The following MRRF variants were observed in gnomAD, a reference collection of about 807,000 sequenced individuals.
MRRF encodes the protein ribosome-recycling factor, mitochondrial.
Under a neutral mutation model 25.1 loss-of-function variants are expected in MRRF, and 18 were observed. The ratio of observed to expected loss-of-function variants is 0.72; its 90% CI spans 0.50 to 1.06. The LOEUF (loss-of-function observed/expected upper bound fraction) is 1.06, where lower values mean the gene tolerates loss of function less well. MRRF is among the 50% of genes least tolerant of loss of function. The probability of loss-of-function intolerance (pLI) is 0.00; values close to 1 mark genes in which losing one functional copy is unlikely to be tolerated. For missense variants in MRRF, 323 were observed against 319.3 expected, an observed-to-expected ratio of 1.01 and a Z score of -0.09; for synonymous variants, 113 against 112.1, an observed-to-expected ratio of 1.01 and a Z score of -0.05.
At chr9:122,283,482 A>G (rs1833205126) in intron 3 of MRRF, among the ~76,000 whole-genome samples, 1 of 152,194 alleles carries the variant, frequency 6.6e-6, no homozygotes, top group Non-Finnish European at 1.5e-5. Flanking sequence ...ACACAATCAG[A>G]AAGTGGCAGA....
rs1053976304 is a variant in MRRF at position 122,328,927 on chromosome 9, G to A, written c.*6310G>A. ...TGGACTTGAACTCCTGGGTTCAAGT[G>A]ATCCTGGAACTGCAGATATGCACAG... On this transcript the variant is annotated 3_prime_UTR_variant, in exon 7 of 7. Transcript: ENST00000344641. 6.6e-6 allele frequency: 1 copy of A among 151,984 alleles called. No individual in the cohort carries two copies. Among genetic ancestry groups the A allele is most frequent in the Non-Finnish European group, 1.5e-5 (1 of 68,024 alleles). The allele number at this position is 151,984 out of a possible 1,614,324, so 9.4% of individuals were successfully genotyped here. A position where few individuals can be genotyped will look rare whatever the true frequency, so the allele number is the denominator to read the frequency against.
intron 1 of MRRF, among the ~76,000 whole-genome samples, chr9:122,268,662 A>G (rs896412526): frequency 5.3e-5 from 8 of 152,254 alleles, no homozygotes; most frequent in African/African-American, 1.9e-4. Context: ...GAATTAAATG[A>G]AATAGTATGG....
At chr9:122,297,054 C>T (rs1277529831) in intron 5 of MRRF, among the ~76,000 whole-genome samples, 1 of 152,148 alleles carries the variant, frequency 6.6e-6, no homozygotes, top group African/African-American at 2.4e-5. Context: ...GTGGCTTACA[C>T]CTGTAATCCC....
chr9:122,307,239 G>A (rs935311953), intron 5 of MRRF, among the ~76,000 whole-genome samples: 1 of 152,152 alleles, frequency 6.6e-6, no homozygotes, highest in African/African-American at 2.4e-5. Flanking sequence ...GGGGAGTCCC[G>A]GAAGCCCAGG....
In MRRF at chr9:122,326,848, G is replaced by GA. The variant is rs992870976; in HGVS notation, c.*4238dup. 4 of 152,044 alleles carry GA rather than the reference G, an allele frequency of 2.6e-5. No homozygotes were observed. The highest frequency in any genetic ancestry group is 6.5e-5 in the Admixed American group (1 of 15,280). 9.4% of individuals were successfully genotyped at this position (152,044 alleles called of 1,614,324 possible). ...GTTATGATTATCTGTGTTTTTCTGT[G>GA]AAAAAAACAGGTTCAGAAAGGATAT... On this transcript the variant is annotated 3_prime_UTR_variant, in exon 7 of 7. Transcript: ENST00000344641.
intron 5 of MRRF, among the ~76,000 whole-genome samples, chr9:122,300,274 G>C (rs909570453): frequency 6.6e-6 from 1 of 152,224 alleles, no homozygotes; most frequent in Non-Finnish European, 1.5e-5. Context: ...AGTGGATCAA[G>C]GTGTGGGGGC....
intron 6 of MRRF, among the ~76,000 whole-genome samples, chr9:122,321,358 C>T (rs1835882142): frequency 6.6e-6 from 1 of 152,116 alleles, no homozygotes; most frequent in African/African-American, 2.4e-5. Flanking sequence ...AAATCTTAAC[C>T]ATTTCATTTT....
intron 1 of MRRF, among the ~76,000 whole-genome samples, chr9:122,267,530 T>C (rs1448390200): frequency 6.6e-6 from 1 of 152,218 alleles, no homozygotes; most frequent in Non-Finnish European, 1.5e-5. Context: ...GGCCTTGGAC[T>C]CCTGGCCTGA....
At chr9:122,292,626 A>G (rs902310862) in intron 5 of MRRF, among the ~76,000 whole-genome samples, 2 of 152,162 alleles carry the variant, frequency 1.3e-5, no homozygotes, top group African/African-American at 2.4e-5. Context: ...TGGTTTAGGC[A>G]TTATAAGTCA....
In MRRF at chr9:122,323,200, C is replaced by A. The variant is rs757068851; in HGVS notation, c.*583C>A. On this transcript the variant is annotated 3_prime_UTR_variant, in exon 7 of 7. Transcript: ENST00000344641. ...TGCTGTTTTCTCTGCCTGGCTCTCT[C>A]TTCCCCTCCTTACCTGGCCAGTCCT... 6.1e-6 allele frequency: 1 copy of A among 162,648 alleles called. No homozygotes were observed. The highest frequency in any genetic ancestry group is 5.7e-5 in the Admixed American group (1 of 17,690). The allele number at this position is 162,648 out of a possible 1,614,324, so 10.1% of individuals were successfully genotyped here.
chr9:122,287,313 G>C (rs1287032012), intron 4 of MRRF, among the ~76,000 whole-genome samples: 1 of 152,166 alleles, frequency 6.6e-6, no homozygotes. Flanking sequence ...GGCACCATTT[G>C]GTAAATTTTC....
intron 2 of MRRF, among the ~76,000 whole-genome samples, chr9:122,275,344 C>T (rs12001858): frequency 0.025 from 3,837 of 151,972 alleles, 148 homozygotes; most frequent in African/African-American, 0.088. Context: ...TTGTAGATTC[C>T]GCATGTGGTT....
In MRRF at chr9:122,327,439, G is replaced by A. The variant is rs1275524267; in HGVS notation, c.*4822G>A. 6.6e-6 allele frequency: 1 copy of A among 152,114 alleles called. No homozygotes were observed. Among genetic ancestry groups the A allele is most frequent in the Non-Finnish European group, 1.5e-5 (1 of 68,020 alleles). 9.4% of individuals were successfully genotyped at this position (152,114 alleles called of 1,614,324 possible). ...AAAAGCCACTTTGAGGCTTTCTTTT[G>A]CCCTAATAGACGGTCATTTTTCATG... On this transcript the variant is annotated 3_prime_UTR_variant, in exon 7 of 7. Transcript: ENST00000344641.
intron 2 of MRRF, among the ~76,000 whole-genome samples, chr9:122,276,296 T>C (rs997483879): frequency 6.6e-6 from 1 of 152,098 alleles, no homozygotes; most frequent in Non-Finnish European, 1.5e-5. Flanking sequence ...TATAAGGTTG[T>C]TTATTTATTT....
chr9:122,277,524 C>T (rs1832847630), intron 2 of MRRF, among the ~76,000 whole-genome samples: 1 of 152,016 alleles, frequency 6.6e-6, no homozygotes. Context: ...GTAGTCACTG[C>T]ATATTTGTGT....
Position 122,270,938 on chromosome 9 carries a change from G to C in MRRF, c.47G>C (p.Arg16Pro). The change falls in exon 2 of 7, where the codon CGC becomes CCC. Residue 16 changes from arginine (R) to proline (P), a missense_variant. Coordinates refer to ENST00000344641, the MANE Select transcript of MRRF (RefSeq NM_138777.5). ...KCFRMVHPTF[R>P]NYLAASIRPV... ...TTCCGCATGGTCCACCCTACCTTTC[G>C]CAATTATCTTGCAGCCTCTATCAGA... is the stretch of plus-strand genomic sequence containing the variant. 4 of 1,614,066 alleles carry C rather than the reference G, an allele frequency of 2.5e-6. No homozygotes were observed. The highest frequency in any genetic ancestry group is 3.4e-6 in the Non-Finnish European group (4 of 1,180,014).
At chr9:122,309,613 C>G (rs1178896737) in intron 5 of MRRF, among the ~76,000 whole-genome samples, 1 of 152,162 alleles carries the variant, frequency 6.6e-6, no homozygotes, top group Non-Finnish European at 1.5e-5. Flanking sequence ...TGTAGAACCT[C>G]TATATGTCTT....
chr9:122,283,966 TTTGTTGTTGTTGTTGTTG>T (rs199591983), intron 3 of MRRF, among the ~76,000 whole-genome samples: 2 of 150,534 alleles, frequency 1.3e-5, no homozygotes, highest in South Asian at 2.1e-4. Context: ...TGTTAATAGT[TTTGTTGTTGTTGTTGTTG>T]TTGTTGTTGT....
At chr9:122,286,809 GAA>G (rs1304016249) in intron 4 of MRRF, among the ~76,000 whole-genome samples, 2 of 152,160 alleles carry the variant, frequency 1.3e-5, no homozygotes, top group East Asian at 3.8e-4. Context: ...CAATCTTTAA[GAA>G]ACAGTCCAAA....
Sources: gnomAD v4.1 joint callset for allele counts (sites outside exome capture counted in the v4.1 genomes callset) on GRCh38, gnomAD v4.1.1 for gene constraint, MANE v1.5 for transcripts, NCBI Gene and HGNC (gene_info 2026-07-23, HGNC 2026-07-21) for gene names.